The following PRKD1 variants were observed in gnomAD, a reference collection of about 807,000 sequenced individuals.
The protein encoded by PRKD1 is serine/threonine-protein kinase D1.
Under a neutral mutation model 95.9 loss-of-function variants are expected in PRKD1, and 63 were observed. The observed-to-expected ratio is 0.66, with a 90% CI of 0.54 to 0.81. PRKD1 has a LOEUF of 0.81. Among genes scored for constraint, PRKD1 ranks in the 30% least tolerant of loss-of-function variants. The pLI is 0.00. For synonymous variants in PRKD1, 425 were observed against 423.1 expected (o/e 1.00, Z -0.05); for missense variants, 1,048 against 1,165.3 (o/e 0.90, Z 1.47).
chr14:29,789,404 T>C (rs976262500), intron 1 of PRKD1, among the ~76,000 whole-genome samples: 3 of 152,196 alleles, frequency 2.0e-5, no homozygotes, highest in Non-Finnish European at 4.4e-5. Context: ...GGGAAGACTT[T>C]TTCCTACAGA....
intron 1 of PRKD1, among the ~76,000 whole-genome samples, chr14:29,892,437 A>AC (rs770310179): frequency 1.1e-5 from 1 of 93,296 alleles, no homozygotes; most frequent in African/African-American, 6.0e-5. Context: ...GGCCACCCAT[A>AC]CAAAAAAAAA....
Position 29,927,263 on chromosome 14 carries a change from T to C in PRKD1, c.250A>G (p.Ile84Val), listed in dbSNP as rs756773077. Residue 84 changes from isoleucine (I) to valine (V), a missense_variant, in exon 1 of 18, where the codon ATT becomes GTT. By Grantham distance (29) the Ile-to-Val change is conservative. Around this residue, in one of 3 missense-constraint regions of PRKD1, gnomAD observed 275 missense variants for 248.6 expected, o/e 1.11. Coordinates refer to ENST00000331968, the MANE Select transcript of PRKD1 (RefSeq NM_002742.3). ...LAHVREMACS[I>V]VDQKFPECGF... Reference sequence around the variant, plus strand: ...CGGCGACTTACCTTCTGGTCGACAATGGAGCAAGCCATCTCGCGGACGTGC... The same window carrying C: ...CGGCGACTTACCTTCTGGTCGACAACGGAGCAAGCCATCTCGCGGACGTGC... 2.0e-6 allele frequency: 3 copies of C among 1,515,294 alleles called. No individual in the cohort carries two copies. Among genetic ancestry groups the C allele is most frequent in the Non-Finnish European group, 2.6e-6 (3 of 1,132,500 alleles). The allele number at this position is 1,515,294 out of a possible 1,614,324, so 93.9% of individuals were successfully genotyped here.
At chr14:29,894,607 G>C (rs1594609343) in intron 1 of PRKD1, among the ~76,000 whole-genome samples, 1 of 152,212 alleles carries the variant, frequency 6.6e-6, no homozygotes, top group African/African-American at 2.4e-5. Context: ...TTGTAGTATA[G>C]CAAAACTGAC....
intron 1 of PRKD1, among the ~76,000 whole-genome samples, chr14:29,760,686 C>T (rs1446587146): frequency 6.6e-6 from 1 of 152,198 alleles, no homozygotes; most frequent in Middle Eastern, 3.4e-3. Flanking sequence ...AGTTAAAATG[C>T]ATATTAATGA....
rs544838059 is a variant in PRKD1, at chr14:29,742,235, G to T, written c.265-16561C>A. On this transcript the variant is annotated intron_variant, in intron 1 of 17. Coordinates refer to ENST00000331968, the MANE Select transcript of PRKD1 (RefSeq NM_002742.3). ...AAAAATGCTGTAGCATGCAGGAGAG[G>T]AAAGGAGAGCCAAAGACAATAAAAC... Among the ~76,000 whole-genome samples, 21 of 152,302 alleles carry T rather than the reference G, an allele frequency of 1.4e-4. No homozygotes were observed. The East Asian group carries it at 3.9e-3, about 28-fold the overall frequency.
At chr14:29,642,065 G>A (rs539318067) in intron 4 of PRKD1, among the ~76,000 whole-genome samples, 6 of 151,830 alleles carry the variant, frequency 4.0e-5, no homozygotes, top group Non-Finnish European at 8.8e-5. Flanking sequence ...CACCACGCCC[G>A]GCTAATTTTG....
chr14:29,605,367 G>A (rs1893667277), intron 13 of PRKD1, among the ~76,000 whole-genome samples: 1 of 152,104 alleles, frequency 6.6e-6, no homozygotes, highest in Admixed American at 6.5e-5. Context: ...TATTTCTCCA[G>A]CTTTGTCTCT....
chr14:29,626,391 C>T (rs199926923), intron 12 of PRKD1, 93 bp downstream of exon 12: 53 of 1,025,190 alleles, frequency 5.2e-5, no homozygotes, highest in Non-Finnish European at 7.1e-5. Flanking sequence ...ACACATAGGT[C>T]TTCTCTTCTA....
intron 16 of PRKD1, chr14:29,591,259 T>C (rs1893117241): frequency 6.6e-6 from 1 of 152,150 alleles, no homozygotes; most frequent in Admixed American, 6.5e-5. Context: ...ATCTGTAACA[T>C]GAACAAGTTA....
chr14:29,877,155 GA>G (rs1323583240), intron 1 of PRKD1, among the ~76,000 whole-genome samples: 1 of 150,138 alleles, frequency 6.7e-6, no homozygotes, highest in Admixed American at 6.6e-5. Context: ...CAGTCTCAAA[GA>G]AAAAAAAAGA....
intron 2 of PRKD1, among the ~76,000 whole-genome samples, chr14:29,669,170 A>G (rs1371940169): frequency 6.6e-6 from 1 of 152,198 alleles, no homozygotes; most frequent in Non-Finnish European, 1.5e-5. Context: ...CCATGAAATA[A>G]AGTATAGAAA....
intron 1 of PRKD1, among the ~76,000 whole-genome samples, chr14:29,863,775 G>C (rs1193508400): frequency 6.6e-6 from 1 of 152,048 alleles, no homozygotes; most frequent in East Asian, 1.9e-4. Context: ...TTTCAGGTTT[G>C]GATAATGTCC....
chr14:29,785,250 C>G (rs1442439386), intron 1 of PRKD1, among the ~76,000 whole-genome samples: 2 of 152,156 alleles, frequency 1.3e-5, no homozygotes, highest in African/African-American at 4.8e-5. Flanking sequence ...TTTTCTACTA[C>G]TTAGCCTTTC....
chr14:29,802,271 A>T (rs912917945), intron 1 of PRKD1, among the ~76,000 whole-genome samples: 1 of 152,256 alleles, frequency 6.6e-6, no homozygotes, highest in Admixed American at 6.5e-5. Flanking sequence ...ATAGTAAATA[A>T]GGCCAGTTTG....
chr14:29,708,827 C>T (rs971471822), intron 2 of PRKD1, among the ~76,000 whole-genome samples: 4 of 152,154 alleles, frequency 2.6e-5, no homozygotes, highest in Non-Finnish European at 5.9e-5. Flanking sequence ...CACACCACTG[C>T]ACTCCAACCT....
intron 2 of PRKD1, among the ~76,000 whole-genome samples, chr14:29,720,367 C>T (rs1453143793): frequency 6.6e-6 from 1 of 152,016 alleles, no homozygotes; most frequent in Non-Finnish European, 1.5e-5. Flanking sequence ...ATACTCTATC[C>T]TCATGCCTAA....
chr14:29,664,482 C>T (rs761634743), intron 3 of PRKD1, among the ~76,000 whole-genome samples: 4 of 152,142 alleles, frequency 2.6e-5, no homozygotes, highest in East Asian at 1.9e-4. Flanking sequence ...ATATTCCCCA[C>T]GTAGCTGGAG....
At chr14:29,689,077 C>T (rs1050677905) in intron 2 of PRKD1, among the ~76,000 whole-genome samples, 1 of 151,012 alleles carries the variant, frequency 6.6e-6, no homozygotes, top group African/African-American at 2.4e-5. Flanking sequence ...ATGAAAATGC[C>T]AAAAGCAATT....
chr14:29,868,817 A>G (rs1248226263), intron 1 of PRKD1, among the ~76,000 whole-genome samples: 1 of 152,206 alleles, frequency 6.6e-6, no homozygotes, highest in Non-Finnish European at 1.5e-5. Context: ...ATATCAAGTT[A>G]TTATTCTAGT....
Sources: gnomAD v4.1 joint callset for allele counts (sites outside exome capture counted in the v4.1 genomes callset) on GRCh38, gnomAD v4.1.1 for gene constraint, gnomAD v4.1.1 regional missense constraint, MANE v1.5 for transcripts, NCBI Gene and HGNC (gene_info 2026-07-23, HGNC 2026-07-21) for gene names.